Variants in CYTH3 observed in about 807,000 individuals in gnomAD.
CYTH3 encodes the protein cytohesin 3.
Under a neutral mutation model 55.1 loss-of-function variants are expected in CYTH3, and 23 were observed. The ratio of observed to expected loss-of-function variants is 0.42; its 90% confidence interval spans 0.30 to 0.59. The LOEUF (loss-of-function observed/expected upper bound fraction) is 0.59, where lower values mean the gene tolerates loss of function less well. Ranked by LOEUF, CYTH3 falls within the 20% of genes least tolerant of loss-of-function variation. The pLI, the probability that CYTH3 is intolerant of heterozygous loss-of-function variation, is 0.20. For missense variants in CYTH3, 413 were observed against 524.8 expected, an observed-to-expected ratio of 0.79 and a Z score of 2.08; for synonymous variants, 249 against 194.9, an observed-to-expected ratio of 1.28 and a Z score of -2.31.
chr7:6,209,069 C>T (rs1379509862), intron 1 of CYTH3, among the ~76,000 whole-genome samples: 1 of 152,224 alleles, frequency 6.6e-6, no homozygotes, highest in Non-Finnish European at 1.5e-5. Context: ...GTCCTTAAAT[C>T]ATGAATGCAA....
At chr7:6,179,373 G>C (rs1392725508) in intron 4 of CYTH3, among the ~76,000 whole-genome samples, 1 of 151,984 alleles carries the variant, frequency 6.6e-6, no homozygotes, top group Non-Finnish European at 1.5e-5. Flanking sequence ...CATCAGAAAG[G>C]TGCCCTGTAA....
chr7:6,229,040 C>T (rs541419576), intron 1 of CYTH3, among the ~76,000 whole-genome samples: 3 of 152,090 alleles, frequency 2.0e-5, no homozygotes, highest in Non-Finnish European at 4.4e-5. Context: ...AACCACACCC[C>T]CTCTGAGCAG....
chr7:6,167,497 GC>G lies in CYTH3; in HGVS notation c.824-1688del, dbSNP rs1308327658. ...CTTCCCTCCAGAGACTCCAGAGCAG[GC>G]CCCGCTCCAGCTGCACTGGTGCCAG... On this transcript the variant is annotated intron_variant, in intron 9 of 12. Coordinates refer to ENST00000350796, the MANE Select transcript of CYTH3 (RefSeq NM_004227.4). This position sits in a 1 kb window ranked among gnomAD's most constrained non-coding sequence, Gnocchi z 5.5. 6.6e-6 allele frequency among the ~76,000 whole-genome samples: 1 copy of G among 152,232 alleles called. No individual in the cohort carries two copies. Among genetic ancestry groups the G allele is most frequent in the African/African-American group, 2.4e-5 (1 of 41,466 alleles).
In CYTH3 at chr7:6,164,990, T is replaced by A. The variant is rs1332575110; in HGVS notation, c.1154A>T (p.Tyr385Phe). The change falls in exon 13 of 13, where the codon TAT (tyrosine) becomes TTT (phenylalanine). Residue 385 changes from tyrosine (Y) to phenylalanine (F), a missense_variant. By Grantham distance (22) the Tyr-to-Phe change is conservative (BLOSUM62 3). Transcript: ENST00000350796. ...IKASISRDPF[Y>F]DMLATRKRRI... ...TCGTTTCCTCGTTGCCAACATGTCA[T>A]AGAAGGGATCTCTGCTGATACTGGC... is the stretch of plus-strand genomic sequence containing the variant. The A allele has an allele frequency of 6.2e-7, 1 of 1,614,188 alleles. No individual in the cohort carries two copies. The highest frequency in any genetic ancestry group is 2.2e-5 in the East Asian group (1 of 44,888).
At chr7:6,188,356 CAAA>C in intron 2 of CYTH3, among the ~76,000 whole-genome samples, 1 of 137,632 alleles carries the variant, frequency 7.3e-6, no homozygotes, top group South Asian at 2.4e-4. Flanking sequence ...AACAAAAAAA[CAAA>C]AAAAAAAAGC....
intron 3 of CYTH3, 46 bp downstream of exon 3, chr7:6,187,611 G>A (rs1168764892): frequency 6.5e-7 from 1 of 1,533,674 alleles, no homozygotes. Context: ...GATGGAGGTA[G>A]AAAGAAAAGA....
At chr7:6,272,410 G>GGGGGGGGGGCCCCCCC in intron 1 of CYTH3, 64 bp downstream of exon 1, 2 of 1,216,616 alleles carry the variant, frequency 1.6e-6, no homozygotes, top group African/African-American at 1.6e-5. Context: ...CCGCGCCCTC[G>GGGGGGGGGGCCCCCCC]ACCCCCAGCC....
chr7:6,178,542 T>C lies in CYTH3; in HGVS notation c.250-601A>G, dbSNP rs576251252. 6.6e-5 allele frequency among the ~76,000 whole-genome samples: 10 copies of C among 152,356 alleles called. No individual in the cohort carries two copies. In the East Asian group the frequency reaches 1.9e-3, roughly 29 times the overall value. ...CAGCACTGCTCTTCCTCCTCCTTTC[T>C]GCCTTGAACACTTATGTGATGACCA... On this transcript the variant is annotated intron_variant, in intron 4 of 12. Transcript: ENST00000350796.
At chr7:6,204,355 G>C (rs971208035) in intron 1 of CYTH3, among the ~76,000 whole-genome samples, 2 of 152,172 alleles carry the variant, frequency 1.3e-5, no homozygotes, top group Non-Finnish European at 2.9e-5. Flanking sequence ...GCAGAGTTTA[G>C]AAAGCTCAAA....
At chr7:6,255,965 G>C (rs1780092853) in intron 1 of CYTH3, among the ~76,000 whole-genome samples, 1 of 151,782 alleles carries the variant, frequency 6.6e-6, no homozygotes, top group African/African-American at 2.4e-5. Context: ...GGGTTTCACT[G>C]TGTTAGCCAG....
At position 6,187,086 on chromosome 7, in the gene CYTH3, G is replaced by A; in HGVS notation, c.213C>T (p.Ala71=). 1 of 1,614,170 alleles carries A rather than the reference G, an allele frequency of 6.2e-7. No individual in the cohort carries two copies. The highest frequency in any genetic ancestry group is 8.5e-7 in the Non-Finnish European group (1 of 1,180,028). Residue 71 remains alanine, a synonymous_variant, in exon 4 of 13, where the codon GCC becomes GCT. Transcript: ENST00000350796. ...CCATGTTGAATTTCTTTCTTCCCATGGCTATCTGTTTGTTCCTCTGAGTCG... is the reference window on the plus strand; with the variant it reads ...CCATGTTGAATTTCTTTCTTCCCATAGCTATCTGTTTGTTCCTCTGAGTCG... The part of the protein sequence containing the change: ...SKTTQRNKQI[A]MGRKKFNMDP...
intron 4 of CYTH3, among the ~76,000 whole-genome samples, chr7:6,179,081 A>G (rs942900694): frequency 6.6e-6 from 1 of 152,000 alleles, no homozygotes; most frequent in Admixed American, 6.6e-5. Flanking sequence ...GAAATTTCCT[A>G]TTTTTTTTAA....
In CYTH3 at chr7:6,162,622, A is replaced by G. The variant is rs1782869393; in HGVS notation, c.*2322T>C. The G allele has an allele frequency of 6.6e-6, 1 of 152,242 alleles. No homozygotes were observed. The highest frequency in any genetic ancestry group is 1.5e-5 in the Non-Finnish European group (1 of 68,056). The allele number at this position is 152,242 out of a possible 1,614,324, so 9.4% of individuals were successfully genotyped here. A position where few individuals can be genotyped will look rare whatever the true frequency, so the allele number is the denominator to read the frequency against. On this transcript the variant is annotated 3_prime_UTR_variant, in exon 13 of 13. Coordinates refer to ENST00000350796, the MANE Select transcript of CYTH3 (RefSeq NM_004227.4). ...CTTCATGCTAATACTGTCCTAACAC[A>G]GCCTGGAGCTAGGCGATTTCCTTTG...
At chr7:6,186,281 A>G (rs1783647155) in intron 4 of CYTH3, among the ~76,000 whole-genome samples, 1 of 151,080 alleles carries the variant, frequency 6.6e-6, no homozygotes, top group Non-Finnish European at 1.5e-5. Flanking sequence ...GACCGACTGA[A>G]GACCACAGGA....
rs142012512 is a variant in CYTH3, at chr7:6,187,667, C to T, written c.172G>A (p.Val58Ile). 2.2e-5 allele frequency: 35 copies of T among 1,613,368 alleles called. No individual in the cohort carries two copies. In the African/African-American group the frequency reaches 2.8e-4, roughly 13 times the overall value. The change falls in exon 3 of 13, where the codon GTA becomes ATA. Residue 58 changes from valine to isoleucine, a missense_variant. By Grantham distance (29) the Val-to-Ile change is conservative. This residue lies in a region of CYTH3 where 152 missense variants were observed against 148.1 expected (regional missense o/e 1.03). Coordinates refer to ENST00000350796, the MANE Select transcript of CYTH3 (RefSeq NM_004227.4). ...GCCACAAATTGTTACCTCTCCTCTA[C>T]GGAAGTTAGATTGTCGATCTCTGTC... ...VMTEIDNLTS[V>I]EESKTTQRNK...
At chr7:6,193,071 C>A (rs754770432) in intron 1 of CYTH3, among the ~76,000 whole-genome samples, 299 of 152,076 alleles carry the variant, frequency 2.0e-3, no homozygotes, top group Non-Finnish European at 3.5e-3. Flanking sequence ...ACTGGGGAGG[C>A]TGAGGCAGGA....
chr7:6,217,209 T>C (rs915015233), intron 1 of CYTH3, among the ~76,000 whole-genome samples: 5 of 152,198 alleles, frequency 3.3e-5, no homozygotes, highest in African/African-American at 1.2e-4. Flanking sequence ...CCACTGCTCC[T>C]GGCCAATAAT....
chr7:6,219,003 CAAAAAAAAAA>C (rs35386425), intron 1 of CYTH3, among the ~76,000 whole-genome samples: 3 of 74,302 alleles, frequency 4.0e-5, no homozygotes, highest in South Asian at 4.9e-4. Context: ...GACTCCGTCT[CAAAAAAAAAA>C]AAAAAAAAAA....
intron 2 of CYTH3, 61 bp downstream of exon 2, chr7:6,190,376 CTACTCTTTTACT>C: frequency 1.1e-6 from 1 of 923,494 alleles, no homozygotes; most frequent in Non-Finnish European, 1.4e-6. Flanking sequence ...TTTTGTGAGG[CTACTCTTTTACT>C]ATTTTACTCA....
Sources: allele counts gnomAD v4.1 joint callset (sites outside exome capture counted in the v4.1 genomes callset), GRCh38; gene constraint gnomAD v4.1.1; regional missense constraint gnomAD v4.1.1; non-coding constraint Gnocchi (gnomAD v3.1); transcripts MANE v1.5; gene names NCBI Gene and HGNC (gene_info 2026-07-23, HGNC 2026-07-21).